Variants in HIBCH observed in about 807,000 individuals in gnomAD.
HIBCH encodes the protein 3-hydroxyisobutyryl-CoA hydrolase, mitochondrial.
Under a neutral mutation model 58.2 loss-of-function variants are expected in HIBCH, and 50 were observed. The observed-to-expected ratio is 0.86, with a 90% CI of 0.68 to 1.09. The LOEUF (loss-of-function observed/expected upper bound fraction) is 1.09. Ranked by LOEUF, HIBCH falls within the 50% of genes least tolerant of loss-of-function variation. The probability of loss-of-function intolerance (pLI) is 0.00; values close to 1 mark genes in which losing one functional copy is unlikely to be tolerated. For synonymous variants in HIBCH, 151 were observed against 146.9 expected, an observed-to-expected ratio of 1.03 and a Z score of -0.20; for missense variants, 450 against 449.7, an observed-to-expected ratio of 1.00 and a Z score of -0.01.
Position 190,252,235 on chromosome 2 carries a change from A to G in HIBCH, c.590T>C (p.Leu197Ser), listed in dbSNP as rs1686795406. ...TCTTCCTTTTAGTCTGAATCCTGTT[A>G]ATGCAAGGAAGTAACCAAGTTTTCC... ...LQGKLGYFLA[L>S]TGFRLKGRDV... Residue 197 changes from leucine to serine, a missense_variant, in exon 8 of 14, where the codon TTA (leucine) becomes TCA (serine). Transcript: ENST00000359678. 2 of 1,613,548 alleles carry G rather than the reference A, an allele frequency of 1.2e-6. No individual in the cohort carries two copies. The highest frequency in any genetic ancestry group is 2.7e-5 in the African/African-American group (2 of 74,932).
intron 11 of HIBCH, among the ~76,000 whole-genome samples, chr2:190,232,615 G>A (rs1002249201): frequency 1.2e-4 from 18 of 152,176 alleles, no homozygotes; most frequent in African/African-American, 4.1e-4. Context: ...ACAACTATAC[G>A]TTGGTGCAGA....
At chr2:190,255,512 C>G (rs1205814916) in intron 7 of HIBCH, among the ~76,000 whole-genome samples, 1 of 152,152 alleles carries the variant, frequency 6.6e-6, no homozygotes, top group East Asian at 1.9e-4. Context: ...GACTTATCCC[C>G]CTACCTGAAA....
chr2:190,250,475 A>G (rs1157970665), intron 8 of HIBCH: 2 of 419,816 alleles, frequency 4.8e-6, no homozygotes, highest in African/African-American at 4.1e-5. Flanking sequence ...TATCCTCTAC[A>G]GCCCTGAGAA....
intron 11 of HIBCH, among the ~76,000 whole-genome samples, chr2:190,233,268 TGA>T (rs1686164241): frequency 6.6e-6 from 1 of 152,118 alleles, no homozygotes; most frequent in African/African-American, 2.4e-5. Flanking sequence ...ATGACACCAC[TGA>T]GAGAGAAAAG....
intron 6 of HIBCH, among the ~76,000 whole-genome samples, chr2:190,261,969 G>A (rs1687098236): frequency 6.6e-6 from 1 of 152,062 alleles, no homozygotes; most frequent in Non-Finnish European, 1.5e-5. Flanking sequence ...AGACTAACCA[G>A]AATTCAGAGG....
At chr2:190,200,040 A>C (rs1690174670), downstream of HIBCH, 1 of 1,614,022 alleles carries the variant, frequency 6.2e-7, no homozygotes, top group African/African-American at 1.3e-5. Flanking sequence ...TGATCTTGGA[A>C]TATGCACACC....
chr2:190,193,386 TTTGTC>T (rs1478525768), intron 1 of HIBCH, among the ~76,000 whole-genome samples: 1 of 152,120 alleles, frequency 6.6e-6, no homozygotes, highest in Non-Finnish European at 1.5e-5. Flanking sequence ...CCTGTGGAGT[TTTGTC>T]TTCTTGGTAA....
Position 190,304,133 on chromosome 2 carries a change from A to G in HIBCH, c.78+6621T>C, listed in dbSNP as rs1447717702. Among the ~76,000 whole-genome samples, 2 of 152,182 alleles carry G rather than the reference A, an allele frequency of 1.3e-5. No homozygotes were observed. Among genetic ancestry groups the G allele is most frequent in the African/African-American group, 2.4e-5 (1 of 41,440 alleles). On this transcript the variant is annotated intron_variant, in intron 2 of 13. Transcript: ENST00000359678. This position sits in a 1 kb window ranked among gnomAD's most constrained non-coding sequence, Gnocchi z 4.1. ...CAGTGTCATTGATTTCTGGAACAGA[A>G]TATTAATGAAAAAAAACTGGTGAAA...
intron 9 of HIBCH, among the ~76,000 whole-genome samples, chr2:190,248,334 G>C (rs1229686423): frequency 6.6e-6 from 1 of 151,608 alleles, no homozygotes; most frequent in African/African-American, 2.4e-5. Context: ...ACGTCTATGG[G>C]TTTTTTTTTC....
chr2:190,214,316 G>T lies in HIBCH; in HGVS notation c.892-1241C>A, dbSNP rs1690582367. ...TGTGCAAGAAACCTCCAGTAAGGGG[G>T]GCTGAGTACACAGCAAAAACCTGAC... On this transcript the variant is annotated intron_variant, in intron 11 of 13. Transcript: ENST00000359678. The surrounding 1 kb of genome is among the most constrained non-coding windows in gnomAD (Gnocchi z 5.5). The T allele has an allele frequency of 6.6e-6, 1 of 152,198 alleles. No individual in the cohort carries two copies. The highest frequency in any genetic ancestry group is 2.1e-4 in the South Asian group (1 of 4,822). 9.4% of individuals were successfully genotyped at this position (152,198 alleles called of 1,614,324 possible).
At chr2:190,313,955 G>A (rs983810306) in intron 1 of HIBCH, among the ~76,000 whole-genome samples, 6 of 152,058 alleles carry the variant, frequency 3.9e-5, no homozygotes, top group South Asian at 2.1e-4. Flanking sequence ...TTTTCAACTT[G>A]ACTCAATTTT....
rs1690325168 is a variant in HIBCH at position 190,203,941 on chromosome 2, T to C, written c.*1176A>G. The C allele has an allele frequency of 6.6e-6, 1 of 152,112 alleles. No individual in the cohort carries two copies. Among genetic ancestry groups the C allele is most frequent in the Non-Finnish European group, 1.5e-5 (1 of 67,952 alleles). The allele number at this position is 152,112 out of a possible 1,614,324, so 9.4% of individuals were successfully genotyped here. A position where few individuals can be genotyped will look rare whatever the true frequency, so the allele number is the denominator to read the frequency against. On this transcript the variant is annotated 3_prime_UTR_variant, in exon 14 of 14. Coordinates refer to ENST00000359678, the MANE Select transcript of HIBCH (RefSeq NM_014362.4). ...TATAACAAGTTACAAAAAATTTATT[T>C]TGTTTATAAACAAAAATTACAAACA...
intron 2 of HIBCH, among the ~76,000 whole-genome samples, chr2:190,299,755 G>A (rs1559060788): frequency 6.6e-6 from 1 of 152,116 alleles, no homozygotes; most frequent in South Asian, 2.1e-4. Flanking sequence ...GGGGTTTGTT[G>A]TACAGACTGT....
At chr2:190,199,497 A>G (rs576753719), downstream of HIBCH, among the ~76,000 whole-genome samples, 1 of 152,316 alleles carries the variant, frequency 6.6e-6, no homozygotes, top group South Asian at 2.1e-4. Context: ...CAAGATCTTG[A>G]AAAAAAGTTT....
In HIBCH at chr2:190,297,119, C is replaced by T. The variant is rs2582743; in HGVS notation, c.79-166G>A. ...TCTGAAGTTATTTAGATTATGTAGA[C>T]GAACAATTCCAAAGCAAATCATACA... On this transcript the variant is annotated intron_variant, in intron 2 of 13. Coordinates refer to ENST00000359678, the MANE Select transcript of HIBCH (RefSeq NM_014362.4). Among the ~76,000 whole-genome samples, 108,253 of 152,118 alleles carry T rather than the reference C, an allele frequency of 0.71. 39,178 individuals are homozygous for T. The highest frequency in any genetic ancestry group is 0.75 in the Non-Finnish European group (51,171 of 67,992).
chr2:190,190,771 C>T (rs1689674410), intron 1 of HIBCH, among the ~76,000 whole-genome samples: 1 of 151,962 alleles, frequency 6.6e-6, no homozygotes, highest in African/African-American at 2.4e-5. Flanking sequence ...TAAAAAATAC[C>T]TTTTTAAAAT....
At chr2:190,292,535 T>C (rs1687985316) in intron 4 of HIBCH, among the ~76,000 whole-genome samples, 1 of 152,246 alleles carries the variant, frequency 6.6e-6, no homozygotes, top group African/African-American at 2.4e-5. Context: ...GGTCTCGAAC[T>C]CTTGAGCTCA....
At chr2:190,213,923 T>C (rs375299525) in intron 11 of HIBCH, 13 of 152,160 alleles carry the variant, frequency 8.5e-5, no homozygotes, top group African/African-American at 3.1e-4. Flanking sequence ...CACCCAATCT[T>C]GCAAGACCGT....
At chr2:190,272,830 T>C (rs1329072200) in intron 6 of HIBCH, among the ~76,000 whole-genome samples, 3 of 151,990 alleles carry the variant, frequency 2.0e-5, no homozygotes, top group Non-Finnish European at 4.4e-5. Context: ...CCAACTTAGA[T>C]ATCCCTGGGC....
Sources: allele counts gnomAD v4.1 joint callset (sites outside exome capture counted in the v4.1 genomes callset), GRCh38; gene constraint gnomAD v4.1.1; non-coding constraint Gnocchi (gnomAD v3.1); transcripts MANE v1.5; gene names NCBI Gene and HGNC (gene_info 2026-07-23, HGNC 2026-07-21).